The following AOAH variants were observed in gnomAD, a reference collection of about 807,000 sequenced individuals.
AOAH encodes acyloxyacyl hydrolase (neutrophil).
A neutral mutation model predicts 92.2 loss-of-function variants in AOAH; 64 were observed. The observed-to-expected ratio is 0.69, with a 90% CI of 0.57 to 0.86. The LOEUF (loss-of-function observed/expected upper bound fraction) is 0.86. Ranked by LOEUF, AOAH falls within the 40% of genes least tolerant of loss-of-function variation. AOAH has a pLI of 0.00. For synonymous variants in AOAH, 263 were observed against 254.5 expected (o/e 1.03, Z -0.32); for missense variants, 656 against 694.6 (o/e 0.94, Z 0.62).
At chr7:36,702,551 T>G (rs1275806582) in intron 1 of AOAH, among the ~76,000 whole-genome samples, 1 of 152,174 alleles carries the variant, frequency 6.6e-6, no homozygotes, top group African/African-American at 2.4e-5. Context: ...TCACATGAAA[T>G]TTTGGTTTCC....
At chr7:36,552,059 T>A (rs1786300409) in intron 13 of AOAH, among the ~76,000 whole-genome samples, 1 of 152,154 alleles carries the variant, frequency 6.6e-6, no homozygotes, top group South Asian at 2.1e-4. Flanking sequence ...TTATTTTTTA[T>A]TTTAAGTTCC....
intron 5 of AOAH, among the ~76,000 whole-genome samples, chr7:36,633,391 C>T (rs1251688621): frequency 6.6e-6 from 1 of 152,168 alleles, no homozygotes; most frequent in East Asian, 1.9e-4. Context: ...TTGATGCCAC[C>T]TGGGAGCTTT....
chr7:36,531,138 G>A (rs1302641294), intron 18 of AOAH, among the ~76,000 whole-genome samples: 1 of 152,192 alleles, frequency 6.6e-6, no homozygotes, highest in East Asian at 1.9e-4. Flanking sequence ...GCATAAAAGA[G>A]TATGTGCATT....
chr7:36,713,290 T>A (rs1421195202), intron 1 of AOAH, among the ~76,000 whole-genome samples: 2 of 139,944 alleles, frequency 1.4e-5, no homozygotes, highest in Non-Finnish European at 3.1e-5. Flanking sequence ...ATCCTAAATA[T>A]ATATGCACCC....
chr7:36,652,786 A>G (rs1489744638), intron 4 of AOAH, among the ~76,000 whole-genome samples: 2 of 152,226 alleles, frequency 1.3e-5, no homozygotes. Flanking sequence ...TATCCTTGAA[A>G]ACTGCCAAGG....
chr7:36,536,420 A>T (rs985995185), intron 16 of AOAH, among the ~76,000 whole-genome samples: 3 of 151,956 alleles, frequency 2.0e-5, no homozygotes, highest in African/African-American at 7.3e-5. Flanking sequence ...ACAACCCTTA[A>T]CACGGTGCCC....
chr7:36,637,548 G>A (rs1014855005), intron 5 of AOAH, among the ~76,000 whole-genome samples: 15 of 152,024 alleles, frequency 9.9e-5, no homozygotes, highest in African/African-American at 3.1e-4. Flanking sequence ...TGGTGCTGCT[G>A]GCATCTAGTA....
intron 12 of AOAH, among the ~76,000 whole-genome samples, chr7:36,579,372 G>C (rs984139139): frequency 5.4e-5 from 8 of 148,268 alleles, no homozygotes; most frequent in Admixed American, 2.1e-4. Flanking sequence ...CCTGAACCCC[G>C]CCCCCCCCAA....
intron 12 of AOAH, among the ~76,000 whole-genome samples, chr7:36,582,904 G>T (rs1789035141): frequency 6.6e-6 from 1 of 151,904 alleles, no homozygotes; most frequent in South Asian, 2.1e-4. Flanking sequence ...GAGTGCAGTG[G>T]CATGATCTCG....
intron 6 of AOAH, among the ~76,000 whole-genome samples, chr7:36,623,504 A>C (rs1792433002): frequency 6.6e-6 from 1 of 152,194 alleles, no homozygotes; most frequent in Non-Finnish European, 1.5e-5. Flanking sequence ...AAATAATTGA[A>C]GTGAAATTTT....
intron 13 of AOAH, among the ~76,000 whole-genome samples, chr7:36,562,875 G>A (rs1418441562): frequency 6.6e-6 from 1 of 151,998 alleles, no homozygotes; most frequent in African/African-American, 2.4e-5. Flanking sequence ...CAGGCCAGAC[G>A]CGGTGGCTCA....
chr7:36,531,757 T>C (rs1289474647), intron 18 of AOAH, among the ~76,000 whole-genome samples: 1 of 152,192 alleles, frequency 6.6e-6, no homozygotes, highest in Non-Finnish European at 1.5e-5. Context: ...TTATTTACCT[T>C]GGGAGAACTT....
At chr7:36,565,027 C>G (rs1787586617) in intron 13 of AOAH, among the ~76,000 whole-genome samples, 1 of 152,162 alleles carries the variant, frequency 6.6e-6, no homozygotes, top group Non-Finnish European at 1.5e-5. Context: ...TGAGATATGT[C>G]ATATTGAATT....
chr7:36,656,494 C>CGA (rs1422928545), intron 4 of AOAH, among the ~76,000 whole-genome samples: 3 of 151,890 alleles, frequency 2.0e-5, no homozygotes, highest in East Asian at 3.9e-4. Flanking sequence ...AGAGAAAGGA[C>CGA]GAGAGAGAGA....
intron 3 of AOAH, among the ~76,000 whole-genome samples, chr7:36,673,504 T>A (rs1796055239): frequency 1.3e-5 from 2 of 151,972 alleles, no homozygotes; most frequent in Non-Finnish European, 2.9e-5. Flanking sequence ...ACCACTGCCC[T>A]CCAGCCTGGG....
At position 36,686,687 on chromosome 7, in the gene AOAH, T is replaced by C. The variant is rs1367314229; in HGVS notation, c.223+12A>G. 6.7e-7 allele frequency: 1 copy of C among 1,501,972 alleles called. No individual in the cohort carries two copies. The highest frequency in any genetic ancestry group is 1.4e-5 in the South Asian group (1 of 73,812). The allele number at this position is 1,501,972 out of a possible 1,614,324, so 93.0% of individuals were successfully genotyped here. A position where few individuals can be genotyped will look rare whatever the true frequency, so the allele number is the denominator to read the frequency against. On this transcript the variant is annotated intron_variant, in intron 2 of 20. Transcript: ENST00000617537. ...AGCAGACCCTCAGCAGTATGACTCG[T>C]CCCATATTTACCAGGCAGGTAGCTG...
intron 2 of AOAH, among the ~76,000 whole-genome samples, chr7:36,676,833 T>C (rs899793238): frequency 3.9e-5 from 6 of 152,104 alleles, no homozygotes; most frequent in South Asian, 2.1e-4. Context: ...GACCATTTCA[T>C]TGGAGGAATT....
At chr7:36,627,263 G>T (rs923422098) in intron 6 of AOAH, among the ~76,000 whole-genome samples, 3 of 152,238 alleles carry the variant, frequency 2.0e-5, no homozygotes, top group Non-Finnish European at 4.4e-5. Context: ...TTCTAACTCT[G>T]TATAGCAGAA....
At chr7:36,628,169 A>C (rs1792813483) in intron 6 of AOAH, among the ~76,000 whole-genome samples, 1 of 152,158 alleles carries the variant, frequency 6.6e-6, no homozygotes, top group Admixed American at 6.5e-5. Flanking sequence ...GCTAAAAAGG[A>C]AAAAACATAG....
Sources: allele counts gnomAD v4.1 joint callset (sites outside exome capture counted in the v4.1 genomes callset), GRCh38; gene constraint gnomAD v4.1.1; transcripts MANE v1.5; gene names NCBI Gene and HGNC (gene_info 2026-07-23, HGNC 2026-07-21).